ZBTB20: variants seen among roughly 807,000 people sequenced by gnomAD.
ZBTB20 encodes the protein zinc finger and BTB domain-containing protein 20.
Under a neutral mutation model 56.9 loss-of-function variants are expected in ZBTB20, and 9 were observed. That is an observed-to-expected ratio of 0.16 (90% CI 0.10 to 0.28). The LOEUF (loss-of-function observed/expected upper bound fraction) is 0.28, where lower values mean the gene tolerates loss of function less well. Ranked by LOEUF, ZBTB20 falls within the 10% of genes least tolerant of loss-of-function variation. The probability of loss-of-function intolerance (pLI) is 1.00; values close to 1 mark genes in which losing one functional copy is unlikely to be tolerated. For missense variants in ZBTB20, 655 were observed against 1,003.0 expected (o/e 0.65, Z 4.69); for synonymous variants, 417 against 420.7 (o/e 0.99, Z 0.11).
chr3:114,672,538 T>C (rs1024511277), intron 6 of ZBTB20, among the ~76,000 whole-genome samples: 1 of 152,130 alleles, frequency 6.6e-6, no homozygotes, highest in African/African-American at 2.4e-5. Flanking sequence ...GATGATGGTC[T>C]TCTCCATCCA....
intron 6 of ZBTB20, among the ~76,000 whole-genome samples, chr3:114,660,007 T>C (rs1462152433): frequency 6.6e-6 from 1 of 152,062 alleles, no homozygotes; most frequent in Non-Finnish European, 1.5e-5. Context: ...TTAAAAATTC[T>C]AGTTCCATGA....
At chr3:115,137,342 T>C (rs1042418190) in intron 1 of ZBTB20, among the ~76,000 whole-genome samples, 3 of 152,106 alleles carry the variant, frequency 2.0e-5, no homozygotes, top group Non-Finnish European at 4.4e-5. Flanking sequence ...TATGTATACA[T>C]GACAGAAGTA....
intron 1 of ZBTB20, among the ~76,000 whole-genome samples, chr3:115,139,403 T>C (rs2084747209): frequency 1.3e-5 from 2 of 152,092 alleles, no homozygotes; most frequent in Admixed American, 6.5e-5. Context: ...ATAGAAATTG[T>C]ATATAGTTGT....
intron 3 of ZBTB20, among the ~76,000 whole-genome samples, chr3:114,958,611 G>A (rs1225341993): frequency 2.0e-5 from 3 of 152,114 alleles, no homozygotes; most frequent in Non-Finnish European, 4.4e-5. Flanking sequence ...ACTTTGGGAG[G>A]CCAAGGCGAG....
intron 2 of ZBTB20, among the ~76,000 whole-genome samples, chr3:115,059,137 G>A (rs183553595): frequency 7.2e-5 from 11 of 151,882 alleles, no homozygotes; most frequent in African/African-American, 1.4e-4. Flanking sequence ...TTCTAATTCC[G>A]TCATCTCTGC....
intron 4 of ZBTB20, among the ~76,000 whole-genome samples, chr3:114,850,393 C>T (rs1015665887): frequency 6.6e-6 from 1 of 152,182 alleles, no homozygotes; most frequent in Non-Finnish European, 1.5e-5. Flanking sequence ...GTGTTCATCT[C>T]TGTGCTGAGA....
intron 4 of ZBTB20, among the ~76,000 whole-genome samples, chr3:114,872,230 T>C (rs1377146160): frequency 6.6e-6 from 1 of 152,094 alleles, no homozygotes; most frequent in African/African-American, 2.4e-5. Flanking sequence ...GCAGAATCCA[T>C]GCTAGATACT....
At position 114,326,335 on chromosome 3, in the gene ZBTB20, G is replaced by C. The variant is rs540509162; in HGVS notation, c.*12670C>G. ...CAATCAATAAAAAAATCTATTCTTT[G>C]GCCCCAGACCTGTTAGTTTAGGTAA... On this transcript the variant is annotated 3_prime_UTR_variant, in exon 12 of 12. Transcript: ENST00000675478. 2.0e-5 allele frequency: 3 copies of C among 152,224 alleles called. No individual in the cohort carries two copies. The highest frequency in any genetic ancestry group is 1.3e-4 in the Admixed American group (2 of 15,292). The allele number at this position is 152,224 out of a possible 1,614,324, so 9.4% of individuals were successfully genotyped here.
chr3:114,812,648 C>A (rs977888418), intron 4 of ZBTB20, among the ~76,000 whole-genome samples: 3 of 152,252 alleles, frequency 2.0e-5, no homozygotes, highest in African/African-American at 7.2e-5. Flanking sequence ...GTGGATCCCG[C>A]ACCCGGGCTG....
At chr3:114,341,799 GCACAT>G (rs1269630483) in intron 11 of ZBTB20, among the ~76,000 whole-genome samples, 1 of 152,198 alleles carries the variant, frequency 6.6e-6, no homozygotes, top group African/African-American at 2.4e-5. Flanking sequence ...CCAGGCAGTT[GCACAT>G]GGTCCTTTGT....
At chr3:115,131,059 C>G (rs1431932228) in intron 1 of ZBTB20, among the ~76,000 whole-genome samples, 1 of 152,094 alleles carries the variant, frequency 6.6e-6, no homozygotes, top group Admixed American at 6.5e-5. Flanking sequence ...CCGTGCCCGG[C>G]CAATTATTTT....
intron 3 of ZBTB20, among the ~76,000 whole-genome samples, chr3:114,909,461 C>T (rs754764858): frequency 3.3e-5 from 5 of 151,870 alleles, no homozygotes; most frequent in Non-Finnish European, 7.4e-5. Context: ...AAATATGAAA[C>T]TTTTATAAAT....
At chr3:114,400,188 G>A (rs192124080) in intron 7 of ZBTB20, among the ~76,000 whole-genome samples, 1 of 152,202 alleles carries the variant, frequency 6.6e-6, no homozygotes, top group East Asian at 1.9e-4. Context: ...CCAGCCGTGT[G>A]ACCATGGCCA....
intron 7 of ZBTB20, among the ~76,000 whole-genome samples, chr3:114,437,920 C>A (rs555817123): frequency 6.6e-6 from 1 of 152,168 alleles, no homozygotes; most frequent in East Asian, 1.9e-4. Context: ...ACAGGCCCAT[C>A]CATCTCTGGG....
chr3:114,553,270 T>C (rs1325082654), intron 6 of ZBTB20, among the ~76,000 whole-genome samples: 1 of 152,196 alleles, frequency 6.6e-6, no homozygotes, highest in African/African-American at 2.4e-5. Flanking sequence ...TTCATGAGCA[T>C]AGTAGCTCTG....
intron 7 of ZBTB20, among the ~76,000 whole-genome samples, chr3:114,428,527 C>T (rs922653708): frequency 1.3e-5 from 2 of 152,172 alleles, no homozygotes; most frequent in African/African-American, 4.8e-5. Flanking sequence ...GGGGGAATGA[C>T]AGAAACCTGG....
At chr3:114,570,348 C>T (rs537002822) in intron 6 of ZBTB20, among the ~76,000 whole-genome samples, 1 of 151,194 alleles carries the variant, frequency 6.6e-6, no homozygotes, top group Non-Finnish European at 1.5e-5. Flanking sequence ...AAATTCCATG[C>T]ACTTCAAATA....
At chr3:114,872,329 G>T (rs2076045285) in intron 4 of ZBTB20, among the ~76,000 whole-genome samples, 1 of 152,072 alleles carries the variant, frequency 6.6e-6, no homozygotes, top group Admixed American at 6.6e-5. Flanking sequence ...TACGGCACAG[G>T]TCTGATGTAG....
At chr3:114,689,603 G>A (rs899936906) in intron 6 of ZBTB20, among the ~76,000 whole-genome samples, 2 of 151,766 alleles carry the variant, frequency 1.3e-5, no homozygotes, top group Non-Finnish European at 2.9e-5. Context: ...AGGTGTACGC[G>A]TACATACACC....
Sources: gnomAD v4.1 joint callset for allele counts (sites outside exome capture counted in the v4.1 genomes callset) on GRCh38, gnomAD v4.1.1 for gene constraint, MANE v1.5 for transcripts, NCBI Gene and HGNC (gene_info 2026-07-23, HGNC 2026-07-21) for gene names.